The following RYR2 variants were observed in gnomAD, a reference collection of about 807,000 sequenced individuals.
The protein encoded by RYR2 is ryanodine receptor 2.
Under a neutral mutation model 601.1 loss-of-function variants are expected in RYR2, and 227 were observed. That is an observed-to-expected ratio of 0.38 (90% CI 0.34 to 0.42). RYR2 has a LOEUF of 0.42. RYR2 is among the 10% of genes least tolerant of loss of function. RYR2 has a pLI of 1.00. For synonymous variants in RYR2, 2,223 were observed against 2,175.1 expected (o/e 1.02, Z -0.61); for missense variants, 4,646 against 6,156.5 (o/e 0.75, Z 8.21).
In RYR2 at chr1:237,784,659, G is replaced by T. The variant is rs1471117005; in HGVS notation, c.12947G>T (p.Gly4316Val). The stretch of plus-strand genomic sequence containing the variant: ...ATCATTTGCAGCCTGCTGCTTGGGG[G>T]AAGCCTCGTCGAAGGTGCTAAAAAG... ...FRIICSLLLGGSLVEGAKKIK... is the reference protein window; with the variant it reads ...FRIICSLLLGVSLVEGAKKIK... Residue 4316 changes from glycine to valine, a missense_variant, in exon 90 of 105, where the codon GGA (glycine) becomes GTA (valine). Around this residue, in one of 17 missense-constraint regions of RYR2, gnomAD observed 364 missense variants for 442.9 expected, o/e 0.82. Transcript: ENST00000366574. This position sits in a 1 kb window ranked among gnomAD's most constrained non-coding sequence, Gnocchi z 7.1. 6.2e-7 allele frequency: 1 copy of T among 1,613,230 alleles called. No homozygotes were observed. The highest frequency in any genetic ancestry group is 2.2e-5 in the East Asian group (1 of 44,830).
chr1:237,732,767 A>G (rs1690801551), intron 78 of RYR2, among the ~76,000 whole-genome samples: 1 of 152,212 alleles, frequency 6.6e-6, no homozygotes, highest in Non-Finnish European at 1.5e-5. Context: ...TACGGAGGGC[A>G]ATGCATAAAT....
chr1:237,073,486 T>C (rs1353290722), intron 1 of RYR2, among the ~76,000 whole-genome samples: 1 of 152,204 alleles, frequency 6.6e-6, no homozygotes, highest in East Asian at 1.9e-4. Flanking sequence ...ACTTGAAATT[T>C]GGCCCCTCTG....
chr1:237,243,158 C>T (rs1012867366), intron 1 of RYR2, among the ~76,000 whole-genome samples: 2 of 152,054 alleles, frequency 1.3e-5, no homozygotes, highest in African/African-American at 4.8e-5. Context: ...GGAGGGGTTC[C>T]CCATACACCA....
At position 237,625,824 on chromosome 1, in the gene RYR2, A is replaced by G. The variant is rs1679587999; in HGVS notation, c.6166+20A>G. ...AGTCCTGTAAGCAGTATGAGAGTGC[A>G]CTGGCAGAATGACCCAACTGCTGAC... On this transcript the variant is annotated intron_variant, in intron 40 of 104. Transcript: ENST00000366574. The G allele has an allele frequency of 1.9e-6, 3 of 1,610,982 alleles. No homozygotes were observed. The highest frequency in any genetic ancestry group is 2.7e-5 in the African/African-American group (2 of 74,896).
chr1:237,456,713 G>T lies in RYR2; in HGVS notation c.1590G>T (p.Leu530=), dbSNP rs765883801. The T allele has an allele frequency of 2.5e-6, 4 of 1,613,546 alleles. No individual in the cohort carries two copies. In the South Asian group the frequency reaches 4.4e-5, roughly 18 times the overall value. Residue 530 remains leucine, a synonymous_variant, in exon 16 of 105, where the codon CTG becomes CTT. Coordinates refer to ENST00000366574, the MANE Select transcript of RYR2 (RefSeq NM_001035.3). ...REAGESWKSI[L]NSLYELLAAL... ...CAGGAGAGTCTTGGAAATCCATTCT[G>T]AATTCTCTGTATGAGTTGCTGGGTA... is the stretch of plus-strand genomic sequence containing the variant.
intron 10 of RYR2, among the ~76,000 whole-genome samples, chr1:237,408,029 A>G (rs958393909): frequency 6.6e-6 from 1 of 152,014 alleles, no homozygotes; most frequent in African/African-American, 2.4e-5. Flanking sequence ...TATTCTCTTA[A>G]TAGTGTTTTC....
chr1:237,808,498 T>TA (rs1660889689), intron 99 of RYR2, among the ~76,000 whole-genome samples: 2 of 151,730 alleles, frequency 1.3e-5, no homozygotes, highest in African/African-American at 2.4e-5. Flanking sequence ...CCATCTCTAC[T>TA]AAAAATACAA....
chr1:237,552,856 T>G (rs1670541253), intron 27 of RYR2, among the ~76,000 whole-genome samples: 1 of 151,956 alleles, frequency 6.6e-6, no homozygotes. Flanking sequence ...CATATACAAA[T>G]CTTGGTATAT....
chr1:237,563,423 A>C (rs956927996), intron 27 of RYR2, among the ~76,000 whole-genome samples: 33 of 151,238 alleles, frequency 2.2e-4, no homozygotes, highest in Non-Finnish European at 3.1e-4. Flanking sequence ...AAAAAAAAAA[A>C]ACACAAACAA....
intron 70 of RYR2, among the ~76,000 whole-genome samples, chr1:237,711,525 C>T (rs961913541): frequency 6.6e-6 from 1 of 152,260 alleles, no homozygotes; most frequent in South Asian, 2.1e-4. Context: ...CTTAGTTTTC[C>T]CATCTTTGCA....
intron 1 of RYR2, among the ~76,000 whole-genome samples, chr1:237,227,966 CT>C (rs34963620): frequency 0.087 from 12,976 of 148,454 alleles, 1,396 homozygotes; most frequent in African/African-American, 0.24. Flanking sequence ...TTGTTTTTGC[CT>C]TTTTTTTTTT....
chr1:237,485,426 T>C (rs1368463613), intron 17 of RYR2, among the ~76,000 whole-genome samples: 1 of 152,186 alleles, frequency 6.6e-6, no homozygotes, highest in African/African-American at 2.4e-5. Context: ...GCTCGTTCTG[T>C]AATGGGGGAT....
intron 44 of RYR2, among the ~76,000 whole-genome samples, chr1:237,637,251 A>C (rs1274919087): frequency 6.6e-6 from 1 of 152,218 alleles, no homozygotes; most frequent in Non-Finnish European, 1.5e-5. Flanking sequence ...AAACTGATTT[A>C]ACTTAAGCTG....
At chr1:237,125,775 T>C (rs1210560056) in intron 1 of RYR2, among the ~76,000 whole-genome samples, 1 of 152,242 alleles carries the variant, frequency 6.6e-6, no homozygotes, top group Non-Finnish European at 1.5e-5. Context: ...TATTTAAGCA[T>C]GGGCAGGAAG....
chr1:237,251,869 G>T (rs1008622498), intron 1 of RYR2, among the ~76,000 whole-genome samples: 1 of 151,976 alleles, frequency 6.6e-6, no homozygotes, highest in Non-Finnish European at 1.5e-5. Context: ...TCGGTACATG[G>T]TACCACCATT....
intron 12 of RYR2, among the ~76,000 whole-genome samples, chr1:237,435,723 G>A (rs17633019): frequency 0.053 from 8,097 of 152,222 alleles, 291 homozygotes; most frequent in Non-Finnish European, 0.08. Context: ...ACAAGTGGTT[G>A]TCTCAGGAAA....
chr1:237,687,366 C>CTTTTT (rs10679267), intron 62 of RYR2, 89 bp from the exon 63 acceptor site: 156 of 259,044 alleles, frequency 6.0e-4, no homozygotes, highest in South Asian at 7.4e-4. Context: ...TTTTCTTCTT[C>CTTTTT]TTTTTTTTTT....
intron 1 of RYR2, among the ~76,000 whole-genome samples, chr1:237,068,665 G>A (rs1663943270): frequency 6.6e-6 from 1 of 152,134 alleles, no homozygotes; most frequent in South Asian, 2.1e-4. Flanking sequence ...GGTTGGTTAT[G>A]AGAATTTCCT....
chr1:237,694,903 G>A (rs993204933), intron 63 of RYR2, among the ~76,000 whole-genome samples: 1 of 152,066 alleles, frequency 6.6e-6, no homozygotes, highest in Non-Finnish European at 1.5e-5. Context: ...TGGCACAGTG[G>A]TATTTCACAT....
Sources: gnomAD v4.1 joint callset for allele counts (sites outside exome capture counted in the v4.1 genomes callset) on GRCh38, gnomAD v4.1.1 for gene constraint, gnomAD v4.1.1 regional missense constraint, Gnocchi (gnomAD v3.1) non-coding constraint, MANE v1.5 for transcripts, NCBI Gene and HGNC (gene_info 2026-07-23, HGNC 2026-07-21) for gene names.